ASAP2: variants seen among roughly 807,000 people sequenced by gnomAD.
ASAP2 encodes the protein arf-GAP with SH3 domain, ANK repeat and PH domain-containing protein 2.
ASAP2 carries 45 observed loss-of-function variants against 131.4 expected under a neutral mutation model. The observed-to-expected ratio is 0.34, with a 90% CI of 0.27 to 0.44. ASAP2 has a LOEUF of 0.44. Ranked by LOEUF, ASAP2 falls within the 20% of genes least tolerant of loss-of-function variation. The pLI, the probability that ASAP2 is intolerant of heterozygous loss-of-function variation, is 1.00. For missense variants in ASAP2, 1,011 were observed against 1,297.0 expected (o/e 0.78, Z 3.39); for synonymous variants, 510 against 503.0 (o/e 1.01, Z -0.19).
intron 1 of ASAP2, among the ~76,000 whole-genome samples, chr2:9,259,324 C>T (rs576708364): frequency 3.3e-4 from 51 of 152,254 alleles, no homozygotes; most frequent in Non-Finnish European, 5.6e-4. Context: ...GCCGCCATCC[C>T]TGCCTGTTGC....
intron 2 of ASAP2, among the ~76,000 whole-genome samples, chr2:9,279,880 A>ATTTACACATACATATTTT (rs55996345): frequency 6.6e-6 from 1 of 151,634 alleles, no homozygotes; most frequent in African/African-American, 2.4e-5. Context: ...ACACATATAT[A>ATTTACACATACATATTTT]TTTACACATA....
chr2:9,318,829 GGA>G (rs1412250443), intron 4 of ASAP2, among the ~76,000 whole-genome samples: 1 of 152,216 alleles, frequency 6.6e-6, no homozygotes, highest in African/African-American at 2.4e-5. Flanking sequence ...GGTGAGGGGA[GGA>G]GACTGGGAAG....
chr2:9,335,765 G>A (rs1671164949), intron 9 of ASAP2, among the ~76,000 whole-genome samples: 1 of 152,148 alleles, frequency 6.6e-6, no homozygotes, highest in Non-Finnish European at 1.5e-5. Context: ...TTTTTAAAAA[G>A]CCATTAAAAA....
chr2:9,355,583 A>G (rs1344568239), intron 12 of ASAP2, among the ~76,000 whole-genome samples: 1 of 152,200 alleles, frequency 6.6e-6, no homozygotes, highest in Non-Finnish European at 1.5e-5. Context: ...CTCTTGATTT[A>G]GCTACATTTC....
chr2:9,252,497 C>G (rs1664777104), intron 1 of ASAP2, among the ~76,000 whole-genome samples: 1 of 152,064 alleles, frequency 6.6e-6, no homozygotes, highest in South Asian at 2.1e-4. Context: ...TCGCTTAAAC[C>G]CAGGAGGTGG....
At chr2:9,329,837 C>G (rs964395356) in intron 7 of ASAP2, among the ~76,000 whole-genome samples, 4 of 152,176 alleles carry the variant, frequency 2.6e-5, no homozygotes, top group African/African-American at 9.7e-5. Context: ...TCCTTTGTGC[C>G]CTCCCTGTCT....
At chr2:9,358,568 T>C (rs375672013) in intron 14 of ASAP2, among the ~76,000 whole-genome samples, 188 bp from the exon 15 acceptor site, 62 of 151,276 alleles carry the variant, frequency 4.1e-4, no homozygotes, top group African/African-American at 1.4e-3. Flanking sequence ...AGAGGGAGAG[T>C]AGATGTGTGC....
chr2:9,244,497 G>T (rs183145793), intron 1 of ASAP2, among the ~76,000 whole-genome samples: 200 of 152,326 alleles, frequency 1.3e-3, no homozygotes, highest in Admixed American at 0.011. Flanking sequence ...GAGAACCCTT[G>T]ATGAGAACAC....
chr2:9,219,542 C>A (rs1368158558), intron 1 of ASAP2, among the ~76,000 whole-genome samples: 1 of 152,002 alleles, frequency 6.6e-6, no homozygotes, highest in Non-Finnish European at 1.5e-5. Flanking sequence ...GAACAAAAAT[C>A]AGCCAGGAAT....
chr2:9,397,395 T>C (rs1002015839), intron 24 of ASAP2, among the ~76,000 whole-genome samples: 1 of 152,112 alleles, frequency 6.6e-6, no homozygotes, highest in African/African-American at 2.4e-5. Flanking sequence ...CACATCTGAC[T>C]GGCAGGAAAA....
chr2:9,356,475 C>A, intron 14 of ASAP2, 130 bp downstream of exon 14: 1 of 1,101,502 alleles, frequency 9.1e-7, no homozygotes, highest in Non-Finnish European at 1.3e-6. Context: ...CTGAGTTCAT[C>A]CCATTACACA....
intron 1 of ASAP2, among the ~76,000 whole-genome samples, chr2:9,248,217 C>T (rs1004861179): frequency 1.1e-4 from 16 of 152,316 alleles, no homozygotes; most frequent in African/African-American, 1.7e-4. Context: ...ACGGAGGCCA[C>T]GCAGGCCTGT....
At chr2:9,327,246 G>A (rs1192706696) in intron 6 of ASAP2, among the ~76,000 whole-genome samples, 1 of 152,054 alleles carries the variant, frequency 6.6e-6, no homozygotes, top group Non-Finnish European at 1.5e-5. Flanking sequence ...GACTCATGAA[G>A]TCCTTCTATT....
At chr2:9,371,826 A>G (rs748598473) in intron 16 of ASAP2, among the ~76,000 whole-genome samples, 11 of 152,168 alleles carry the variant, frequency 7.2e-5, no homozygotes, top group Non-Finnish European at 1.5e-4. Context: ...CATTAAAAAA[A>G]AGAGGGAGGG....
At chr2:9,340,588 T>G (rs1423650517) in intron 9 of ASAP2, among the ~76,000 whole-genome samples, 1 of 152,216 alleles carries the variant, frequency 6.6e-6, no homozygotes. Context: ...TGTCATATCT[T>G]CAGAAGATGG....
At chr2:9,375,970 G>A (rs752810773) in intron 17 of ASAP2, among the ~76,000 whole-genome samples, 1 of 152,222 alleles carries the variant, frequency 6.6e-6, no homozygotes, top group Non-Finnish European at 1.5e-5. Context: ...TAACATACCA[G>A]CACCCAAGTG....
chr2:9,349,390 CTT>C (rs1672185134), intron 11 of ASAP2, among the ~76,000 whole-genome samples: 3 of 152,188 alleles, frequency 2.0e-5, no homozygotes, highest in Admixed American at 2.0e-4. Context: ...TGTTAAAGTA[CTT>C]GGTTGCATAC....
At chr2:9,331,620 T>C (rs540600232) in intron 7 of ASAP2, among the ~76,000 whole-genome samples, 3 of 152,184 alleles carry the variant, frequency 2.0e-5, no homozygotes, top group Non-Finnish European at 2.9e-5. Context: ...ATACAAAAAT[T>C]AGCCGGATGC....
In ASAP2 at chr2:9,392,881, C is replaced by T. The variant is rs537735187; in HGVS notation, c.2519-601C>T. ...GAAGGAGACTTGGACTCACAGCCTCCCTCCAGGTCTTACCAGCTCTGCCAC... is the reference window on the plus strand; with the variant it reads ...GAAGGAGACTTGGACTCACAGCCTCTCTCCAGGTCTTACCAGCTCTGCCAC... On this transcript the variant is annotated intron_variant, in intron 23 of 27. Transcript: ENST00000281419. This position sits in a 1 kb window ranked among gnomAD's most constrained non-coding sequence, Gnocchi z 4.0. Among the ~76,000 whole-genome samples the T allele has an allele frequency of 2.0e-5, 3 of 152,320 alleles. No individual in the cohort carries two copies. The highest frequency in any genetic ancestry group is 2.0e-4 in the Admixed American group (3 of 15,300).
Sources: allele counts gnomAD v4.1 joint callset (sites outside exome capture counted in the v4.1 genomes callset), GRCh38; gene constraint gnomAD v4.1.1; non-coding constraint Gnocchi (gnomAD v3.1); transcripts MANE v1.5; gene names NCBI Gene and HGNC (gene_info 2026-07-23, HGNC 2026-07-21).